Variants in CUEDC1 observed in about 807,000 individuals in gnomAD.
CUEDC1 encodes the protein CUE domain containing 1, also known as CUE domain-containing protein 1.
In CUEDC1, 30 loss-of-function variants were observed where a neutral mutation model predicts 43.7. The observed-to-expected ratio is 0.69, with a 90% CI of 0.51 to 0.93. The LOEUF (loss-of-function observed/expected upper bound fraction) is 0.93. Among genes scored for constraint, CUEDC1 ranks in the 40% least tolerant of loss-of-function variants. CUEDC1 has a pLI of 0.00. For missense variants in CUEDC1, 486 were observed against 549.0 expected, an observed-to-expected ratio of 0.89 and a Z score of 1.15; for synonymous variants, 223 against 223.6, an observed-to-expected ratio of 1.00 and a Z score of 0.02.
At position 57,930,773 on chromosome 17, in the gene CUEDC1, G is replaced by A. The variant is rs552656456; in HGVS notation, c.-316+24452C>T. On this transcript the variant is annotated intron_variant, in intron 1 of 10. Transcript: ENST00000577830. This position sits in a 1 kb window ranked among gnomAD's most constrained non-coding sequence, Gnocchi z 4.2. Reference sequence around the variant, plus strand: ...AAGGGATGTGCTGTGGCCAACACAGGAGGGCAGAAATGACCCCTCTGTGAC... The same window carrying A: ...AAGGGATGTGCTGTGGCCAACACAGAAGGGCAGAAATGACCCCTCTGTGAC... 3.2e-4 allele frequency among the ~76,000 whole-genome samples: 48 copies of A among 152,178 alleles called. No individual in the cohort carries two copies. The highest frequency in any genetic ancestry group is 6.0e-4 in the Non-Finnish European group (41 of 68,038).
At chr17:57,886,104 G>A (rs769884277) in intron 1 of CUEDC1, among the ~76,000 whole-genome samples, 2 of 152,202 alleles carry the variant, frequency 1.3e-5, no homozygotes, top group Non-Finnish European at 2.9e-5. Context: ...CTCCGACCCA[G>A]GTGCCATCCT....
intron 1 of CUEDC1, among the ~76,000 whole-genome samples, chr17:57,918,840 A>G (rs546923841): frequency 5.3e-5 from 8 of 152,316 alleles, no homozygotes; most frequent in Non-Finnish European, 8.8e-5. Flanking sequence ...AACATTTTAT[A>G]TGTCAATTTT....
chr17:57,868,086 A>T (rs2073985522), intron 8 of CUEDC1, 64 bp downstream of exon 8: 1 of 1,357,254 alleles, frequency 7.4e-7, no homozygotes, highest in African/African-American at 1.4e-5. Flanking sequence ...GGAGTCCAAC[A>T]GGGGTCTTGC....
chr17:57,885,246 C>A lies in CUEDC1; in HGVS notation c.319G>T (p.Asp107Tyr). The A allele has an allele frequency of 6.3e-7, 1 of 1,585,308 alleles. No individual in the cohort carries two copies. Among genetic ancestry groups the A allele is most frequent in the South Asian group, 1.1e-5 (1 of 87,276 alleles). The change falls in exon 2 of 11, where the codon GAC (aspartate) becomes TAC (tyrosine). Residue 107 changes from aspartate to tyrosine, a missense_variant. Physicochemically the swap from Asp to Tyr is radical, Grantham distance 160 (BLOSUM62 -3). Coordinates refer to ENST00000577830, the MANE Select transcript of CUEDC1 (RefSeq NM_001271875.2). Reference sequence around the variant, plus strand: ...GCCCCTACCTCCGGGGGGATGCTGTCCTCCGAGTCGGAGCTGTCCTCATAG... The same window carrying A: ...GCCCCTACCTCCGGGGGGATGCTGTACTCCGAGTCGGAGCTGTCCTCATAG... The part of the protein sequence containing the change: ...GVYEDSSDSE[D>Y]SIPPEILERT...
At position 57,950,579 on chromosome 17, in the gene CUEDC1, T is replaced by TCTCCTGCCTCAGC. The variant is rs1211404962; in HGVS notation, c.-316+4633_-316+4645dup. Among the ~76,000 whole-genome samples the TCTCCTGCCTCAGC allele has an allele frequency of 5.9e-4, 90 of 152,126 alleles. 1 individual carries two copies. Among genetic ancestry groups the TCTCCTGCCTCAGC allele is most frequent in the Non-Finnish European group, 1.2e-3 (79 of 67,974 alleles). The stretch of plus-strand genomic sequence containing the variant: ...CCTCCGCCTCCTGGGTTCAAGCTAT[T>TCTCCTGCCTCAGC]CTCCTGCCTCAGCCTCCTGGGTAGC... On this transcript the variant is annotated intron_variant, in intron 1 of 10. Coordinates refer to ENST00000577830, the MANE Select transcript of CUEDC1 (RefSeq NM_001271875.2).
intron 1 of CUEDC1, among the ~76,000 whole-genome samples, chr17:57,915,726 C>A (rs1027106040): frequency 3.3e-5 from 5 of 152,134 alleles, no homozygotes; most frequent in Non-Finnish European, 5.9e-5. Flanking sequence ...GTTGCTGCTA[C>A]CCCCGGCTGT....
intron 1 of CUEDC1, among the ~76,000 whole-genome samples, chr17:57,919,019 A>G (rs2074673369): frequency 6.6e-6 from 1 of 150,974 alleles, no homozygotes; most frequent in African/African-American, 2.4e-5. Flanking sequence ...ACGCCCAGCT[A>G]ATTTTTGTAT....
intron 1 of CUEDC1, among the ~76,000 whole-genome samples, chr17:57,939,668 C>A (rs2074898007): frequency 6.6e-6 from 1 of 152,192 alleles, no homozygotes; most frequent in Non-Finnish European, 1.5e-5. Flanking sequence ...CTCCTACCCC[C>A]TGGTGCTGCG....
intron 1 of CUEDC1, among the ~76,000 whole-genome samples, chr17:57,902,630 T>G (rs2074485176): frequency 6.6e-6 from 1 of 152,234 alleles, no homozygotes; most frequent in Admixed American, 6.5e-5. Flanking sequence ...ACTAGTCATT[T>G]GAGAATCCCA....
rs138139781 is a variant in CUEDC1 at position 57,951,551 on chromosome 17, C to T, written c.-316+3674G>A. Among the ~76,000 whole-genome samples the T allele has an allele frequency of 5.2e-3, 798 of 152,148 alleles. 4 individuals carry two copies. The highest frequency in any genetic ancestry group is 0.034 in the Middle Eastern group (10 of 294). On this transcript the variant is annotated intron_variant, in intron 1 of 10. Transcript: ENST00000577830. ...TCAGCTCACTGCAACCTCCGCCTCC[C>T]GAGTTCAAATGATTCTCCTGCCTCA...
chr17:57,882,591 A>G (rs1447434558), intron 2 of CUEDC1, among the ~76,000 whole-genome samples: 1 of 152,120 alleles, frequency 6.6e-6, no homozygotes, highest in African/African-American at 2.4e-5. Flanking sequence ...TCAAATAACA[A>G]GAGTTTGAAC....
chr17:57,911,539 G>A (rs905212822), intron 1 of CUEDC1, among the ~76,000 whole-genome samples: 1 of 152,058 alleles, frequency 6.6e-6, no homozygotes, highest in Admixed American at 6.6e-5. Context: ...GTCTTGCTCT[G>A]TCACCCAGGC....
chr17:57,949,054 A>G (rs1456822967), intron 1 of CUEDC1, among the ~76,000 whole-genome samples: 1 of 152,142 alleles, frequency 6.6e-6, no homozygotes, highest in African/African-American at 2.4e-5. Flanking sequence ...TCTGAAACCC[A>G]CACCGCTACT....
intron 6 of CUEDC1, 41 bp from the exon 7 acceptor site, chr17:57,869,234 G>A (rs1257022100): frequency 1.3e-6 from 2 of 1,572,078 alleles, no homozygotes; most frequent in Non-Finnish European, 1.7e-6. Context: ...ACCGTGGCCA[G>A]CCATGGCCGC....
At chr17:57,877,065 CTTCT>C (rs2074135667) in intron 3 of CUEDC1, among the ~76,000 whole-genome samples, 1 of 152,188 alleles carries the variant, frequency 6.6e-6, no homozygotes, top group Non-Finnish European at 1.5e-5. Flanking sequence ...GAACAGACCG[CTTCT>C]GTCTGACTCC....
At chr17:57,939,382 A>G (rs1478432026) in intron 1 of CUEDC1, among the ~76,000 whole-genome samples, 1 of 150,862 alleles carries the variant, frequency 6.6e-6, no homozygotes, top group Admixed American at 6.6e-5. Context: ...CTCCCACCTC[A>G]GCCTCCCAAG....
In CUEDC1 at chr17:57,867,591, T is replaced by C. The variant is rs543047748; in HGVS notation, c.1035-176A>G. ...GCTCATTTTCCTGAGGTCAGTGGTA[T>C]GGCCAGGCCCTGACACTCTCGCCCA... On this transcript the variant is annotated intron_variant, in intron 8 of 10. Transcript: ENST00000577830. 269 of 628,138 alleles carry C rather than the reference T, an allele frequency of 4.3e-4. 3 individuals are homozygous for C. The East Asian group carries it at 6.3e-3, about 15-fold the overall frequency. 38.9% of individuals were successfully genotyped at this position (628,138 alleles called of 1,614,324 possible). A position where few individuals can be genotyped will look rare whatever the true frequency, so the allele number is the denominator to read the frequency against.
chr17:57,937,390 C>T (rs1376283596), intron 1 of CUEDC1, among the ~76,000 whole-genome samples: 1 of 151,944 alleles, frequency 6.6e-6, no homozygotes, highest in African/African-American at 2.4e-5. Flanking sequence ...TTGGGAGGAT[C>T]ACTTGAGCCC....
intron 1 of CUEDC1, among the ~76,000 whole-genome samples, chr17:57,946,764 TGG>T (rs1265810498): frequency 2.0e-5 from 3 of 151,982 alleles, no homozygotes; most frequent in African/African-American, 7.3e-5. Context: ...TGTAATTGGG[TGG>T]GGGTTTTGTC....
Sources: gnomAD v4.1 joint callset for allele counts (sites outside exome capture counted in the v4.1 genomes callset) on GRCh38, gnomAD v4.1.1 for gene constraint, Gnocchi (gnomAD v3.1) non-coding constraint, MANE v1.5 for transcripts, NCBI Gene and HGNC (gene_info 2026-07-23, HGNC 2026-07-21) for gene names.